Variants in CES5A observed in about 807,000 individuals in gnomAD.
CES5A encodes the protein carboxylesterase 5.
CES5A carries 67 observed loss-of-function variants against 62.9 expected under a neutral mutation model. The observed-to-expected ratio is 1.07, with a 90% CI of 0.88 to 1.31. CES5A has a LOEUF of 1.31. Ranked by LOEUF, CES5A falls within the 50% of genes most tolerant of loss-of-function variation. The pLI is 0.00. For missense variants in CES5A, 748 were observed against 708.5 expected (o/e 1.06, Z -0.63); for synonymous variants, 296 against 280.8 (o/e 1.05, Z -0.54).
At chr16:55,901,563 C>A (rs565139718) in intron 1 of CES5A, among the ~76,000 whole-genome samples, 12 of 152,314 alleles carry the variant, frequency 7.9e-5, no homozygotes, top group South Asian at 4.1e-4. Flanking sequence ...GGCAAGAAAG[C>A]CTTCCCCTTA....
At chr16:55,898,960 G>A (rs2033961929) in intron 1 of CES5A, among the ~76,000 whole-genome samples, 1 of 152,192 alleles carries the variant, frequency 6.6e-6, no homozygotes, top group African/African-American at 2.4e-5. Flanking sequence ...TGAGGAAGGA[G>A]AGGTTTTCTT....
intron 11 of CES5A, 109 bp downstream of exon 11, chr16:55,849,514 TA>T: frequency 8.4e-7 from 1 of 1,186,626 alleles, no homozygotes; most frequent in Non-Finnish European, 1.2e-6. Flanking sequence ...TGTCCGCCTA[TA>T]AACCACAGAG....
At chr16:55,951,507 A>T (rs1177010398) in intron 1 of CES5A, among the ~76,000 whole-genome samples, 1 of 152,184 alleles carries the variant, frequency 6.6e-6, no homozygotes, top group African/African-American at 2.4e-5. Context: ...TTAAATGGAA[A>T]ATCTTAGATT....
chr16:55,952,440 A>G (rs1180868913), intron 1 of CES5A, among the ~76,000 whole-genome samples: 1 of 145,268 alleles, frequency 6.9e-6, no homozygotes, highest in East Asian at 2.0e-4. Context: ...AATTAACTAG[A>G]ACACAAAAAA....
chr16:55,887,376 C>G lies in CES5A; in HGVS notation c.-255-13339G>C, dbSNP rs1477171690. Reference sequence around the variant, plus strand: ...CTTCAGACTCTTGTTACCAGTGGACCAGAGGCAAAAAAAAAAAAAAAAAAG... The same window carrying G: ...CTTCAGACTCTTGTTACCAGTGGACGAGAGGCAAAAAAAAAAAAAAAAAAG... On this transcript the variant is annotated intron_variant, in intron 1 of 12. Coordinates refer to the CES5A transcript ENST00000518005. Among the ~76,000 whole-genome samples, 3 of 126,092 alleles carry G rather than the reference C, an allele frequency of 2.4e-5. No homozygotes were observed. The South Asian group carries it at 7.5e-4, about 31-fold the overall frequency. 82.7% of individuals were successfully genotyped at this position (126,092 alleles called of 152,430 possible).
chr16:55,861,647 A>G, intron 6 of CES5A, 131 bp from the exon 7 acceptor site: 1 of 696,742 alleles, frequency 1.4e-6, no homozygotes, highest in East Asian at 2.7e-5. Context: ...AACACTGCCT[A>G]GACCCACACC....
chr16:55,878,274 A>G (rs2033719065), upstream of CES5A, among the ~76,000 whole-genome samples: 1 of 151,998 alleles, frequency 6.6e-6, no homozygotes, highest in Non-Finnish European at 1.5e-5. Flanking sequence ...AGGCTAAAGG[A>G]ACCTTGAAGG....
intron 1 of CES5A, among the ~76,000 whole-genome samples, chr16:55,894,515 AG>A (rs1439233883): frequency 6.3e-5 from 7 of 110,714 alleles, no homozygotes; most frequent in Non-Finnish European, 1.2e-4. Flanking sequence ...AAAAAAAAAA[AG>A]AAAAGAAAAG....
chr16:55,917,477 C>T (rs2034158808), intron 1 of CES5A, among the ~76,000 whole-genome samples: 1 of 152,198 alleles, frequency 6.6e-6, no homozygotes, highest in African/African-American at 2.4e-5. Context: ...TCCAAACTCA[C>T]CCATGTGGTT....
At chr16:55,946,885 T>C (rs998027973) in intron 2 of CES5A, among the ~76,000 whole-genome samples, 23 of 152,308 alleles carry the variant, frequency 1.5e-4, no homozygotes, top group African/African-American at 4.6e-4. Context: ...GTTTCTCTTA[T>C]TGTGATGGAA....
At chr16:55,855,969 A>G (rs1412965449) in intron 9 of CES5A, among the ~76,000 whole-genome samples, 3 of 152,072 alleles carry the variant, frequency 2.0e-5, no homozygotes, top group Admixed American at 6.5e-5. Context: ...CTCATGATAG[A>G]GTTCTCATGA....
chr16:55,955,839 C>T, intron 1 of CES5A: 1 of 1,536,030 alleles, frequency 6.5e-7, no homozygotes, highest in Non-Finnish European at 8.7e-7. Flanking sequence ...GTGGCTAATA[C>T]TCACCTTTAG....
upstream of CES5A, among the ~76,000 whole-genome samples, chr16:55,876,126 G>A (rs1406431508): frequency 1.3e-5 from 2 of 152,086 alleles, no homozygotes; most frequent in African/African-American, 4.8e-5. Context: ...AGTACACCTA[G>A]GACTTTTCCA....
chr16:55,890,982 T>A (rs138783822), intron 1 of CES5A, among the ~76,000 whole-genome samples: 1,602 of 152,156 alleles, frequency 0.011, 38 homozygotes, highest in African/African-American at 0.036. Flanking sequence ...AATCACCTGC[T>A]CCACCCTGAC....
chr16:55,905,997 C>A (rs1432402732), intron 1 of CES5A, among the ~76,000 whole-genome samples: 1 of 152,082 alleles, frequency 6.6e-6, no homozygotes, highest in Non-Finnish European at 1.5e-5. Flanking sequence ...CCTATAAGAA[C>A]AATAAGACTC....
intron 11 of CES5A, among the ~76,000 whole-genome samples, chr16:55,848,178 C>T (rs1437953267): frequency 6.6e-6 from 1 of 152,184 alleles, no homozygotes; most frequent in Non-Finnish European, 1.5e-5. Context: ...ATGATCACAG[C>T]TCACTGCAGC....
chr16:55,891,983 T>C (rs2033884441), intron 1 of CES5A, among the ~76,000 whole-genome samples: 1 of 152,180 alleles, frequency 6.6e-6, no homozygotes, highest in African/African-American at 2.4e-5. Context: ...AGAATCTCTA[T>C]TAACATAGCT....
intron 5 of CES5A, among the ~76,000 whole-genome samples, chr16:55,864,304 C>T (rs1240101096): frequency 5.3e-5 from 8 of 152,174 alleles, no homozygotes; most frequent in African/African-American, 1.7e-4. Flanking sequence ...TCAGCAGAAG[C>T]TCTCTTAACT....
At chr16:55,892,625 T>C (rs1356637146) in intron 1 of CES5A, among the ~76,000 whole-genome samples, 1 of 152,130 alleles carries the variant, frequency 6.6e-6, no homozygotes, top group African/African-American at 2.4e-5. Context: ...TTAAATTTTT[T>C]TCAAAATATA....
Sources: gnomAD v4.1 joint callset for allele counts (sites outside exome capture counted in the v4.1 genomes callset) on GRCh38, gnomAD v4.1.1 for gene constraint, MANE v1.5 for transcripts, NCBI Gene and HGNC (gene_info 2026-07-23, HGNC 2026-07-21) for gene names.